SNX18: variants seen among roughly 807,000 people sequenced by gnomAD.
SNX18 encodes sorting nexin-18.
In SNX18, 35 loss-of-function variants were observed where a neutral mutation model predicts 48.7. The ratio of observed to expected loss-of-function variants is 0.72; its 90% CI spans 0.55 to 0.95. The LOEUF (loss-of-function observed/expected upper bound fraction) is 0.95. Ranked by LOEUF, SNX18 falls within the 40% of genes least tolerant of loss-of-function variation. The probability of loss-of-function intolerance (pLI) is 0.00; values close to 1 mark genes in which losing one functional copy is unlikely to be tolerated. For missense variants in SNX18, 824 were observed against 871.0 expected (o/e 0.95, Z 0.68); for synonymous variants, 492 against 384.7 (o/e 1.28, Z -3.26).
intron 1 of SNX18, among the ~76,000 whole-genome samples, chr5:54,526,816 A>G (rs1762139770): frequency 6.6e-6 from 1 of 152,172 alleles, no homozygotes; most frequent in Admixed American, 6.5e-5. Flanking sequence ...GCTAGGAGAA[A>G]ACAGTAGAGC....
the SNX18 span, among the ~76,000 whole-genome samples, chr5:54,561,457 C>T: frequency 6.6e-6 from 1 of 152,144 alleles, no homozygotes; most frequent in Non-Finnish European, 1.5e-5. Context: ...TTCACCTCAG[C>T]CTCCCAAGTA....
rs374196636 is a variant in SNX18, at chr5:54,519,217, A to G, written c.1265A>G (p.Gln422Arg). 76 of 1,613,976 alleles carry G rather than the reference A, an allele frequency of 4.7e-5. No individual in the cohort carries two copies. The highest frequency in any genetic ancestry group is 6.3e-5 in the Non-Finnish European group (74 of 1,180,014). Residue 422 changes from glutamine (Q) to arginine (R), a missense_variant, in exon 1 of 2, where the codon CAG becomes CGG. Gln to Arg is a conservative substitution (Grantham distance 43). Coordinates refer to ENST00000381410, the MANE Select transcript of SNX18 (RefSeq NM_001102575.2). ...CCCCCCGCCGCTGCCCTTGACCTGC[A>G]GGAGGTGGAGAGCAAGATCGACGGC... ...STPPAAALDLQEVESKIDGFK... is the reference protein window; with the variant it reads ...STPPAAALDLREVESKIDGFK...
At chr5:54,581,038 G>A in the SNX18 span, among the ~76,000 whole-genome samples, 1 of 152,152 alleles carries the variant, frequency 6.6e-6, no homozygotes, top group Non-Finnish European at 1.5e-5. Flanking sequence ...CATTAGAAGA[G>A]CAGAGAGAAA....
chr5:54,647,228 A>C, the SNX18 span, among the ~76,000 whole-genome samples: 1 of 152,266 alleles, frequency 6.6e-6, no homozygotes, highest in Non-Finnish European at 1.5e-5. Context: ...CATGCCGAGT[A>C]CTATGCCGAG....
At chr5:54,639,085 T>C in the SNX18 span, among the ~76,000 whole-genome samples, 1 of 152,354 alleles carries the variant, frequency 6.6e-6, no homozygotes, top group South Asian at 2.1e-4. Context: ...ATTGAAAACT[T>C]CATTAGAAAT....
chr5:54,561,507 T>G, the SNX18 span, among the ~76,000 whole-genome samples: 1 of 149,828 alleles, frequency 6.7e-6, no homozygotes, highest in African/African-American at 2.5e-5. Flanking sequence ...CCAGCTAATT[T>G]TTTTTTTTTT....
At chr5:54,637,299 T>C in the SNX18 span, among the ~76,000 whole-genome samples, 1 of 152,230 alleles carries the variant, frequency 6.6e-6, no homozygotes, top group Non-Finnish European at 1.5e-5. Context: ...TCTCCTATAA[T>C]TTTCTTATGA....
chr5:54,562,922 C>T, the SNX18 span, among the ~76,000 whole-genome samples: 1 of 152,112 alleles, frequency 6.6e-6, no homozygotes, highest in Non-Finnish European at 1.5e-5. Context: ...ATTGATGATC[C>T]TGACCCTGTG....
the SNX18 span, among the ~76,000 whole-genome samples, chr5:54,570,507 G>A: frequency 1.3e-5 from 2 of 152,154 alleles, no homozygotes; most frequent in African/African-American, 4.8e-5. Context: ...TTAACATCAT[G>A]TATTTAATCA....
chr5:54,628,591 G>A, the SNX18 span, among the ~76,000 whole-genome samples: 2 of 152,110 alleles, frequency 1.3e-5, no homozygotes, highest in African/African-American at 4.8e-5. Context: ...AATGGGGTGT[G>A]TCCCCACCTC....
chr5:54,575,560 C>T, the SNX18 span, among the ~76,000 whole-genome samples: 233 of 151,854 alleles, frequency 1.5e-3, no homozygotes, highest in African/African-American at 5.1e-3. Context: ...TTAGTAGAGA[C>T]GACTACTCTT....
At chr5:54,525,716 C>T (rs761271362) in intron 1 of SNX18, among the ~76,000 whole-genome samples, 2 of 152,126 alleles carry the variant, frequency 1.3e-5, no homozygotes, top group Non-Finnish European at 2.9e-5. Flanking sequence ...TCAGTTTCCT[C>T]ATCTGTAAAA....
chr5:54,519,144 G>C lies in SNX18; in HGVS notation c.1192G>C (p.Glu398Gln). ...CTGGAAGCAGGGCAAGAGGAAGGCC[G>C]AGAAGGACGAGATGGTGGGCGCCAA... ...KAWKQGKRKA[E>Q]KDEMVGANFF... The change falls in exon 1 of 2, where the codon GAG (glutamate) becomes CAG (glutamine). Residue 398 changes from glutamate (E) to glutamine (Q), a missense_variant. Physicochemically the swap from Glu to Gln is conservative, Grantham distance 29 (BLOSUM62 2). Around this residue, in one of 3 missense-constraint regions of SNX18, gnomAD observed 443 missense variants for 503.6 expected, o/e 0.88. Transcript: ENST00000381410. The C allele has an allele frequency of 6.2e-7, 1 of 1,614,034 alleles. No homozygotes were observed. The highest frequency in any genetic ancestry group is 8.5e-7 in the Non-Finnish European group (1 of 1,179,978).
In SNX18 at chr5:54,535,101, T is replaced by C. The variant is rs184503317; in HGVS notation, c.1622-8078T>C. On this transcript the variant is annotated intron_variant, in intron 1 of 1. Transcript: ENST00000381410. The stretch of plus-strand genomic sequence containing the variant: ...TGATTAAATTCTTTTGTTTTCATTG[T>C]TTTATATTCATTGCAAACATGAGTA... 2.8e-4 allele frequency among the ~76,000 whole-genome samples: 43 copies of C among 152,346 alleles called. 1 individual carries two copies. Among genetic ancestry groups the C allele is most frequent in the Non-Finnish European group, 4.9e-4 (33 of 68,030 alleles).
At chr5:54,568,611 G>A in the SNX18 span, among the ~76,000 whole-genome samples, 1 of 152,134 alleles carries the variant, frequency 6.6e-6, no homozygotes, top group Non-Finnish European at 1.5e-5. Context: ...GAAAGTGCCC[G>A]AACCTCCTTT....
the SNX18 span, among the ~76,000 whole-genome samples, chr5:54,641,660 AT>A: frequency 6.6e-6 from 1 of 152,176 alleles, no homozygotes; most frequent in Non-Finnish European, 1.5e-5. Flanking sequence ...CACAACAAAA[AT>A]TTTTATCCCT....
At chr5:54,616,980 G>T in the SNX18 span, among the ~76,000 whole-genome samples, 13 of 152,080 alleles carry the variant, frequency 8.5e-5, no homozygotes, top group African/African-American at 3.1e-4. Context: ...ACATCAAGCT[G>T]GTTTTTATCT....
Position 54,518,560 on chromosome 5 carries a change from T to C in SNX18, c.608T>C (p.Leu203Pro). ...YRLSTRSDLS[L>P]GSRGGSVPPQ... is the part of the protein sequence containing the mutation. ...CTGTCCACGCGCTCCGACCTGTCCC[T>C]GGGTTCCCGCGGCGGCTCGGTCCCC... Residue 203 changes from leucine to proline, a missense_variant, in exon 1 of 2, where the codon CTG becomes CCG. This residue lies in a region of SNX18 where 377 missense variants were observed against 350.6 expected (regional missense o/e 1.08). Coordinates refer to ENST00000381410, the MANE Select transcript of SNX18 (RefSeq NM_001102575.2). 6.3e-7 allele frequency: 1 copy of C among 1,587,260 alleles called. No homozygotes were observed.
At chr5:54,522,401 T>A (rs1334087835) in intron 1 of SNX18, among the ~76,000 whole-genome samples, 1 of 152,178 alleles carries the variant, frequency 6.6e-6, no homozygotes, top group Non-Finnish European at 1.5e-5. Context: ...TGCTGAAAGT[T>A]CTATTGGACA....
Sources: allele counts gnomAD v4.1 joint callset (sites outside exome capture counted in the v4.1 genomes callset), GRCh38; gene constraint gnomAD v4.1.1; regional missense constraint gnomAD v4.1.1; transcripts MANE v1.5; gene names NCBI Gene and HGNC (gene_info 2026-07-23, HGNC 2026-07-21).